The following ASPH variants were observed in gnomAD, a reference collection of about 807,000 sequenced individuals.
ASPH encodes the protein aspartyl/asparaginyl beta-hydroxylase.
ASPH carries 100 observed loss-of-function variants against 118.4 expected under a neutral mutation model. The observed-to-expected ratio is 0.84, with a 90% CI of 0.72 to 1.00. The LOEUF is 1.00. Ranked by LOEUF, ASPH falls within the 50% of genes least tolerant of loss-of-function variation. The probability of loss-of-function intolerance (pLI) is 0.00; values close to 1 mark genes in which losing one functional copy is unlikely to be tolerated. For missense variants in ASPH, 920 were observed against 919.5 expected (o/e 1.00, Z -0.01); for synonymous variants, 315 against 325.6 (o/e 0.97, Z 0.35).
intron 21 of ASPH, among the ~76,000 whole-genome samples, chr8:61,535,059 G>A (rs1045886614): frequency 2.6e-5 from 4 of 152,112 alleles, no homozygotes; most frequent in Non-Finnish European, 2.9e-5. Context: ...TTCTTATAAG[G>A]ACACCAATCA....
intron 16 of ASPH, among the ~76,000 whole-genome samples, chr8:61,573,393 C>T (rs1834053015): frequency 6.6e-6 from 1 of 152,114 alleles, no homozygotes; most frequent in Non-Finnish European, 1.5e-5. Flanking sequence ...CAAAAAAGAG[C>T]CATATAGCCA....
Position 61,562,789 on chromosome 8 carries a change from G to A in ASPH, c.1392C>T (p.Tyr464=). ...TSLKNDLGVG[Y]LLIGDNDNAK... ...CATTGTCATTATCTCCTATCAAGAG[G>A]TATCCCACGCCAAGGTCATTTTTTA... The change falls in exon 18 of 25, where the codon TAC becomes TAT. Residue 464 remains tyrosine, a synonymous_variant. Coordinates refer to ENST00000379454, the MANE Select transcript of ASPH (RefSeq NM_004318.4). 6.2e-7 allele frequency: 1 copy of A among 1,611,982 alleles called. No individual in the cohort carries two copies. Among genetic ancestry groups the A allele is most frequent in the African/African-American group, 1.3e-5 (1 of 74,914 alleles).
chr8:61,680,756 G>C, intron 3 of ASPH: 1 of 371,094 alleles, frequency 2.7e-6, no homozygotes, highest in South Asian at 7.7e-5. Flanking sequence ...ATATGTGTAA[G>C]AGATATACAC....
At chr8:61,686,979 A>G (rs1450568976) in intron 1 of ASPH, among the ~76,000 whole-genome samples, 2 of 152,148 alleles carry the variant, frequency 1.3e-5, no homozygotes. Context: ...TATAATGAGT[A>G]TGTGGCCAAA....
chr8:61,509,415 C>T (rs1807941573), intron 24 of ASPH, among the ~76,000 whole-genome samples: 2 of 152,162 alleles, frequency 1.3e-5, no homozygotes, highest in Admixed American at 6.5e-5. Flanking sequence ...GGGTAATCTC[C>T]TGACATTGCC....
chr8:61,565,359 C>A (rs1186825187), intron 17 of ASPH, among the ~76,000 whole-genome samples: 1 of 152,028 alleles, frequency 6.6e-6, no homozygotes, highest in Non-Finnish European at 1.5e-5. Context: ...CTCCATGAAT[C>A]ATTTTGCTAT....
chr8:61,594,174 T>A (rs1310475945), intron 14 of ASPH, among the ~76,000 whole-genome samples: 2 of 152,192 alleles, frequency 1.3e-5, no homozygotes, highest in African/African-American at 4.8e-5. Context: ...CAGTAACTGA[T>A]GTTCATTAAA....
chr8:61,642,845 C>CAAAAAAAAAAAAAAAAAAACAA, intron 10 of ASPH, 43 bp downstream of exon 10: 1 of 872,950 alleles, frequency 1.1e-6, no homozygotes, highest in Non-Finnish European at 1.5e-6. Context: ...AACTCCATCT[C>CAAAAAAAAAAAAAAAAAAACAA]AAAAAAAAAA....
chr8:61,512,992 T>C (rs1809482206), intron 24 of ASPH, among the ~76,000 whole-genome samples: 1 of 152,192 alleles, frequency 6.6e-6, no homozygotes. Context: ...AATAATTTCA[T>C]TTACAGTGGT....
At chr8:61,674,357 A>G (rs1385315713) in intron 3 of ASPH, among the ~76,000 whole-genome samples, 1 of 152,264 alleles carries the variant, frequency 6.6e-6, no homozygotes, top group Non-Finnish European at 1.5e-5. Context: ...CATTTGTTGC[A>G]GAACATGCTA....
At chr8:61,712,643 CAGG>C (rs1838320899) in intron 1 of ASPH, among the ~76,000 whole-genome samples, 1 of 152,178 alleles carries the variant, frequency 6.6e-6, no homozygotes, top group South Asian at 2.1e-4. Flanking sequence ...CTATGAAAGT[CAGG>C]AGAAGTTAAT....
chr8:61,653,215 G>A (rs1000793654), intron 4 of ASPH, among the ~76,000 whole-genome samples: 1 of 152,106 alleles, frequency 6.6e-6, no homozygotes, highest in African/African-American at 2.4e-5. Context: ...TAAATCACGT[G>A]ACAAATGATA....
intron 22 of ASPH, 74 bp downstream of exon 22, chr8:61,525,903 C>G (rs1815151871): frequency 3.8e-6 from 6 of 1,575,666 alleles, no homozygotes. Context: ...GAAGCATCAC[C>G]AGAAGACTCT....
chr8:61,696,210 T>C (rs1246371390), intron 1 of ASPH, among the ~76,000 whole-genome samples: 1 of 152,158 alleles, frequency 6.6e-6, no homozygotes, highest in Non-Finnish European at 1.5e-5. Flanking sequence ...TGACTGTCCC[T>C]GTGTAGAAAG....
chr8:61,676,047 G>C, intron 3 of ASPH: 1 of 1,597,594 alleles, frequency 6.3e-7, no homozygotes, highest in Admixed American at 1.7e-5. Context: ...GTGTTCATTA[G>C]CCAATGACTT....
intron 14 of ASPH, among the ~76,000 whole-genome samples, chr8:61,593,032 G>T (rs1841595925): frequency 6.6e-6 from 1 of 152,148 alleles, no homozygotes; most frequent in Non-Finnish European, 1.5e-5. Context: ...GATGTGGGTA[G>T]GCGCCCTCAG....
At chr8:61,665,674 T>A (rs1819217987) in intron 3 of ASPH, 2 of 1,459,540 alleles carry the variant, frequency 1.4e-6, no homozygotes, top group Non-Finnish European at 1.8e-6. Flanking sequence ...GAACAGGAAG[T>A]TAGTGAAAAG....
At position 61,503,261 on chromosome 8, in the gene ASPH, T is replaced by C. The variant is rs756700934; in HGVS notation, c.*98A>G. On this transcript the variant is annotated 3_prime_UTR_variant, in exon 25 of 25. Transcript: ENST00000379454. ...TTACTCGGGCTGCAAGTCAAGGGAATTGACTCTTGGTGTTCGAAATTCTAT... is the reference window on the plus strand; with the variant it reads ...TTACTCGGGCTGCAAGTCAAGGGAACTGACTCTTGGTGTTCGAAATTCTAT... 351 of 1,383,710 alleles carry C rather than the reference T, an allele frequency of 2.5e-4. 1 individual carries two copies. Among genetic ancestry groups the C allele is most frequent in the Non-Finnish European group, 3.3e-4 (340 of 1,041,198 alleles). The allele number at this position is 1,383,710 out of a possible 1,614,324, so 85.7% of individuals were successfully genotyped here.
rs946708410 is a variant in ASPH, at chr8:61,683,954, A to C, written c.253+85T>G. ...AAAGGCTATAGAAATTACCAGTACC[A>C]GAAAGATGATAACAAATATTCAAGA... is the stretch of plus-strand genomic sequence containing the variant. On this transcript the variant is annotated intron_variant, in intron 2 of 24. Transcript: ENST00000379454. 1.8e-5 allele frequency: 27 copies of C among 1,472,000 alleles called. No individual in the cohort carries two copies. In the African/African-American group the frequency reaches 3.0e-4, roughly 16 times the overall value. The allele number at this position is 1,472,000 out of a possible 1,614,324, so 91.2% of individuals were successfully genotyped here. A position where few individuals can be genotyped will look rare whatever the true frequency, so the allele number is the denominator to read the frequency against.
Sources: allele counts gnomAD v4.1 joint callset (sites outside exome capture counted in the v4.1 genomes callset), GRCh38; gene constraint gnomAD v4.1.1; transcripts MANE v1.5; gene names NCBI Gene and HGNC (gene_info 2026-07-23, HGNC 2026-07-21).